MDFIC: variants seen among roughly 807,000 people sequenced by gnomAD.
MDFIC encodes the protein myoD family inhibitor domain-containing protein.
Under a neutral mutation model 23.2 loss-of-function variants are expected in MDFIC, and 17 were observed. The ratio of observed to expected loss-of-function variants is 0.73; its 90% CI spans 0.50 to 1.10. The LOEUF (loss-of-function observed/expected upper bound fraction) is 1.10. Among genes scored for constraint, MDFIC ranks in the 50% least tolerant of loss-of-function variants. MDFIC has a pLI of 0.00. For missense variants in MDFIC, 356 were observed against 316.6 expected, an observed-to-expected ratio of 1.12 and a Z score of -0.95; for synonymous variants, 120 against 115.2, an observed-to-expected ratio of 1.04 and a Z score of -0.27.
At chr7:114,931,398 T>G (rs760220231) in intron 2 of MDFIC, among the ~76,000 whole-genome samples, 4 of 152,200 alleles carry the variant, frequency 2.6e-5, no homozygotes, top group African/African-American at 4.8e-5. Flanking sequence ...TTTGGTAGTT[T>G]CAGGAATAAA....
chr7:115,017,972 A>G lies in MDFIC; in HGVS notation c.*2037A>G, dbSNP rs1791824838. 2 of 151,960 alleles carry G rather than the reference A, an allele frequency of 1.3e-5. No homozygotes were observed. The highest frequency in any genetic ancestry group is 1.3e-4 in the Admixed American group (2 of 15,254). The allele number at this position is 151,960 out of a possible 1,614,324, so 9.4% of individuals were successfully genotyped here. ...ATGAAACGTAGTTTCTAGTTATATC[A>G]TTACTTAAAGGGCTTAAAAAGAAAA... On this transcript the variant is annotated 3_prime_UTR_variant, in exon 5 of 5. Transcript: ENST00000393486.
intron 4 of MDFIC, among the ~76,000 whole-genome samples, chr7:115,012,879 T>A: frequency 6.6e-6 from 1 of 152,004 alleles, no homozygotes; most frequent in East Asian, 1.9e-4. Flanking sequence ...CTGGGGAGGC[T>A]GAGGCAGGAA....
intron 3 of MDFIC, among the ~76,000 whole-genome samples, chr7:114,974,681 A>G (rs1164452747): frequency 1.3e-5 from 2 of 152,146 alleles, no homozygotes; most frequent in Admixed American, 6.6e-5. Context: ...GGTTTCAAGT[A>G]TAGTTATTAC....
At chr7:114,923,844 T>A (rs1327139260) in intron 2 of MDFIC, among the ~76,000 whole-genome samples, 1 of 152,208 alleles carries the variant, frequency 6.6e-6, no homozygotes, top group Non-Finnish European at 1.5e-5. Flanking sequence ...AAACTTCTAA[T>A]GCATTTTACT....
chr7:114,957,809 C>T (rs889816017), intron 3 of MDFIC, among the ~76,000 whole-genome samples: 1 of 151,964 alleles, frequency 6.6e-6, no homozygotes, highest in African/African-American at 2.4e-5. Context: ...GAGTAGTTAC[C>T]AAAACAAAGA....
chr7:114,922,872 GTGT>G, intron 1 of MDFIC, 52 bp from the exon 2 acceptor site: 1 of 1,518,040 alleles, frequency 6.6e-7, no homozygotes, highest in Non-Finnish European at 8.9e-7. Flanking sequence ...CGCAGGGGTG[GTGT>G]GCTCTTCTCT....
intron 3 of MDFIC, among the ~76,000 whole-genome samples, chr7:114,966,190 T>C (rs1793091788): frequency 6.6e-6 from 1 of 152,228 alleles, no homozygotes; most frequent in Admixed American, 6.5e-5. Flanking sequence ...TGGTAGGGTA[T>C]ATTATTTATT....
At chr7:114,980,561 T>C (rs1793401066) in intron 4 of MDFIC, among the ~76,000 whole-genome samples, 1 of 152,038 alleles carries the variant, frequency 6.6e-6, no homozygotes, top group Non-Finnish European at 1.5e-5. Flanking sequence ...ATTCATTGTA[T>C]TATATTTCAA....
intron 4 of MDFIC, among the ~76,000 whole-genome samples, chr7:115,000,935 A>G (rs1791453740): frequency 6.6e-6 from 1 of 152,120 alleles, no homozygotes; most frequent in African/African-American, 2.4e-5. Context: ...TTTCAGGCAA[A>G]TCTTCCCATG....
At chr7:114,952,945 A>G (rs1481182454) in intron 3 of MDFIC, among the ~76,000 whole-genome samples, 1 of 152,230 alleles carries the variant, frequency 6.6e-6, no homozygotes, top group African/African-American at 2.4e-5. Flanking sequence ...AGCAGTGGCA[A>G]CAACACCACA....
At chr7:114,965,525 T>G (rs1165904941) in intron 3 of MDFIC, among the ~76,000 whole-genome samples, 1 of 152,112 alleles carries the variant, frequency 6.6e-6, no homozygotes, top group East Asian at 1.9e-4. Context: ...CTTAAACTGA[T>G]GTTGACCAGG....
intron 4 of MDFIC, among the ~76,000 whole-genome samples, chr7:115,010,552 G>T (rs1286091035): frequency 6.6e-6 from 1 of 152,132 alleles, no homozygotes; most frequent in African/African-American, 2.4e-5. Context: ...GTAGATACAT[G>T]TTGTTTAATA....
intron 2 of MDFIC, among the ~76,000 whole-genome samples, chr7:114,938,209 G>A (rs2115740906): frequency 6.6e-6 from 1 of 152,298 alleles, no homozygotes; most frequent in East Asian, 1.9e-4. Flanking sequence ...ACCCACCTCG[G>A]CCTTCCCAAG....
At chr7:114,946,827 A>C (rs1394200887) in intron 3 of MDFIC, among the ~76,000 whole-genome samples, 1 of 152,034 alleles carries the variant, frequency 6.6e-6, no homozygotes, top group African/African-American at 2.4e-5. Context: ...ATTGCTCTCA[A>C]CATCAACAGG....
At chr7:114,955,391 C>T (rs564298399) in intron 3 of MDFIC, among the ~76,000 whole-genome samples, 8 of 152,274 alleles carry the variant, frequency 5.3e-5, no homozygotes, top group East Asian at 1.9e-4. Flanking sequence ...CCACGTCTCC[C>T]GCCCAACAAG....
intron 3 of MDFIC, among the ~76,000 whole-genome samples, chr7:114,945,835 CT>C (rs764604952): frequency 2.0e-5 from 3 of 151,932 alleles, no homozygotes; most frequent in Non-Finnish European, 4.4e-5. Flanking sequence ...TATTTTATGA[CT>C]TTTTATCCTT....
In MDFIC at chr7:114,922,253, C is replaced by G; in HGVS notation, c.-491C>G. 1 of 639,652 alleles carries G rather than the reference C, an allele frequency of 1.6e-6. No individual in the cohort carries two copies. The highest frequency in any genetic ancestry group is 3.5e-5 in the East Asian group (1 of 28,978). The allele number at this position is 639,652 out of a possible 1,614,324, so 39.6% of individuals were successfully genotyped here. The stretch of plus-strand genomic sequence containing the variant: ...CGCTCCCAGCATCGGGGCCGCTAGC[C>G]AAGAGTTCGAGGCCTTCCCGATCCG... On this transcript the variant is annotated 5_prime_UTR_variant, in exon 1 of 5. Transcript: ENST00000393486.
intron 3 of MDFIC, among the ~76,000 whole-genome samples, chr7:114,975,969 T>C (rs775052420): frequency 1.3e-5 from 2 of 152,120 alleles, no homozygotes; most frequent in African/African-American, 2.4e-5. Context: ...AATGTACTAT[T>C]ATTTATCTGC....
At chr7:115,003,936 G>A (rs1420932575) in intron 4 of MDFIC, among the ~76,000 whole-genome samples, 1 of 151,974 alleles carries the variant, frequency 6.6e-6, no homozygotes, top group Middle Eastern at 3.2e-3. Context: ...GTTAATAATA[G>A]CATTTATCTC....
Sources: gnomAD v4.1 joint callset for allele counts (sites outside exome capture counted in the v4.1 genomes callset) on GRCh38, gnomAD v4.1.1 for gene constraint, MANE v1.5 for transcripts, NCBI Gene and HGNC (gene_info 2026-07-23, HGNC 2026-07-21) for gene names.